Variants in NRG2 observed in about 807,000 individuals in gnomAD.
NRG2 encodes the protein neuregulin 2.
In NRG2, 27 loss-of-function variants were observed where a neutral mutation model predicts 73.9. The observed-to-expected ratio is 0.37, with a 90% CI of 0.27 to 0.50. The LOEUF (loss-of-function observed/expected upper bound fraction) is 0.50. NRG2 is among the 20% of genes least tolerant of loss of function. The probability of loss-of-function intolerance (pLI) is 0.96; values close to 1 mark genes in which losing one functional copy is unlikely to be tolerated. For synonymous variants in NRG2, 532 were observed against 541.0 expected (o/e 0.98, Z 0.23); for missense variants, 1,126 against 1,210.1 (o/e 0.93, Z 1.03).
chr5:139,929,185 T>C (rs762622904), intron 1 of NRG2, among the ~76,000 whole-genome samples: 2 of 152,216 alleles, frequency 1.3e-5, no homozygotes, highest in Non-Finnish European at 2.9e-5. Context: ...TTTGTCATTG[T>C]TCTGCCTCAC....
intron 1 of NRG2, among the ~76,000 whole-genome samples, chr5:139,948,360 A>T (rs1417493797): frequency 6.6e-6 from 1 of 152,146 alleles, no homozygotes; most frequent in Non-Finnish European, 1.5e-5. Context: ...GTGGGAAAGA[A>T]GTTCAGCTCT....
At chr5:139,947,841 G>C (rs533091184) in intron 1 of NRG2, among the ~76,000 whole-genome samples, 3 of 152,282 alleles carry the variant, frequency 2.0e-5, no homozygotes, top group African/African-American at 7.2e-5. Flanking sequence ...TTGGCCATTT[G>C]TATAGCTCCT....
At chr5:139,943,509 A>C (rs1268228067) in intron 1 of NRG2, among the ~76,000 whole-genome samples, 2 of 151,926 alleles carry the variant, frequency 1.3e-5, no homozygotes, top group Non-Finnish European at 2.9e-5. Flanking sequence ...AAATTTTCTA[A>C]TTTTTCTGAC....
chr5:139,876,551 C>T (rs1005771977), intron 3 of NRG2, among the ~76,000 whole-genome samples: 14 of 151,980 alleles, frequency 9.2e-5, no homozygotes, highest in Middle Eastern at 6.8e-3. Context: ...TTTGATGAAC[C>T]GTTAGTGTCT....
At chr5:139,877,195 AC>A (rs1270296075) in intron 3 of NRG2, among the ~76,000 whole-genome samples, 8 of 152,182 alleles carry the variant, frequency 5.3e-5, no homozygotes, top group Non-Finnish European at 1.5e-5. Context: ...TTGTGTTAGC[AC>A]CGCAAACTTC....
intron 1 of NRG2, among the ~76,000 whole-genome samples, chr5:139,934,403 A>G (rs1752694575): frequency 6.6e-6 from 1 of 152,202 alleles, no homozygotes; most frequent in Non-Finnish European, 1.5e-5. Flanking sequence ...TTTTTATACT[A>G]TACATAAAAT....
At chr5:139,980,247 C>T (rs1315354617) in intron 1 of NRG2, among the ~76,000 whole-genome samples, 1 of 152,018 alleles carries the variant, frequency 6.6e-6, no homozygotes, top group Non-Finnish European at 1.5e-5. Flanking sequence ...TCTCTCCTGA[C>T]TCTTGAAAAC....
chr5:139,864,988 G>A (rs770986280), intron 5 of NRG2: 23 of 832,584 alleles, frequency 2.8e-5, no homozygotes, highest in South Asian at 5.5e-5. Context: ...GGGTGTTTCC[G>A]TCTCCTCTAA....
At chr5:139,948,888 T>C (rs1561701600) in intron 1 of NRG2, among the ~76,000 whole-genome samples, 1 of 151,994 alleles carries the variant, frequency 6.6e-6, no homozygotes, top group African/African-American at 2.4e-5. Context: ...AGATTGGACA[T>C]GAGGGTAAGA....
chr5:140,021,289 G>C (rs78504789), intron 1 of NRG2, among the ~76,000 whole-genome samples: 2,274 of 152,294 alleles, frequency 0.015, 51 homozygotes, highest in African/African-American at 0.052. Flanking sequence ...TGACATCTCT[G>C]TCTCTCTCTG....
At chr5:139,990,068 G>A (rs776557412) in intron 1 of NRG2, among the ~76,000 whole-genome samples, 38 of 151,396 alleles carry the variant, frequency 2.5e-4, no homozygotes, top group African/African-American at 4.9e-4. Context: ...GATTACAGGC[G>A]TGAGCCACTG....
intron 1 of NRG2, among the ~76,000 whole-genome samples, chr5:139,970,527 C>CTCTGTGTTCTACTAAGTTCT (rs1225696587): frequency 1.3e-5 from 2 of 152,196 alleles, no homozygotes; most frequent in African/African-American, 4.8e-5. Context: ...TTCTACCCTG[C>CTCTGTGTTCTACTAAGTTCT]ACTCTGACCC....
At chr5:139,989,780 A>C (rs372104661) in intron 1 of NRG2, among the ~76,000 whole-genome samples, 1 of 136,966 alleles carries the variant, frequency 7.3e-6, no homozygotes, top group East Asian at 2.2e-4. Context: ...ATTATTATTT[A>C]TTTTATTTTA....
chr5:139,992,591 T>C (rs1757716203), intron 1 of NRG2, among the ~76,000 whole-genome samples: 1 of 152,242 alleles, frequency 6.6e-6, no homozygotes, highest in East Asian at 1.9e-4. Context: ...CTAGTGTTTT[T>C]ATAGTTGGTT....
In NRG2 at chr5:139,887,109, C is replaced by T. The variant is rs1478054220; in HGVS notation, c.872+231G>A. Among the ~76,000 whole-genome samples, 1 of 152,226 alleles carries T rather than the reference C, an allele frequency of 6.6e-6. No individual in the cohort carries two copies. Among genetic ancestry groups the T allele is most frequent in the East Asian group, 1.9e-4 (1 of 5,202 alleles). ...TTCAACTATCCAGAGAAGTTAAAGG[C>T]TTAATTCTTGTCTGTGGTCTGCAAG... is the stretch of plus-strand genomic sequence containing the variant. On this transcript the variant is annotated intron_variant, in intron 2 of 9. Coordinates refer to ENST00000361474, the MANE Select transcript of NRG2 (RefSeq NM_004883.3). This position sits in a 1 kb window ranked among gnomAD's most constrained non-coding sequence, Gnocchi z 4.5.
chr5:139,962,258 G>C (rs1433230798), intron 1 of NRG2, among the ~76,000 whole-genome samples: 2 of 152,198 alleles, frequency 1.3e-5, no homozygotes, highest in Non-Finnish European at 2.9e-5. Flanking sequence ...GTGCCAGAAC[G>C]GGGGATAGCT....
Position 139,915,472 on chromosome 5 carries a change from C to T in NRG2, c.701-27961G>A, listed in dbSNP as rs1245097009. ...GGTGGTGGCCAGGGTCCCCCAGGTC[C>T]TGCTTACATTCCACTGGTGCCTGAT... On this transcript the variant is annotated intron_variant, in intron 1 of 9. Coordinates refer to ENST00000361474, the MANE Select transcript of NRG2 (RefSeq NM_004883.3). This position sits in a 1 kb window ranked among gnomAD's most constrained non-coding sequence, Gnocchi z 4.0. Among the ~76,000 whole-genome samples the T allele has an allele frequency of 3.9e-5, 6 of 152,200 alleles. No homozygotes were observed. Among genetic ancestry groups the T allele is most frequent in the African/African-American group, 1.4e-4 (6 of 41,444 alleles).
intron 1 of NRG2, among the ~76,000 whole-genome samples, chr5:139,910,633 G>A (rs1235928658): frequency 3.3e-5 from 5 of 152,184 alleles, no homozygotes; most frequent in Admixed American, 1.3e-4. Context: ...AGCTCCTTAT[G>A]TTCGGAGGCC....
chr5:139,878,576 C>A (rs1389783096), intron 3 of NRG2, among the ~76,000 whole-genome samples: 1 of 152,206 alleles, frequency 6.6e-6, no homozygotes, highest in Non-Finnish European at 1.5e-5. Flanking sequence ...CCTCTGAGTT[C>A]TTAGATTCTG....
Sources: gnomAD v4.1 joint callset for allele counts (sites outside exome capture counted in the v4.1 genomes callset) on GRCh38, gnomAD v4.1.1 for gene constraint, Gnocchi (gnomAD v3.1) non-coding constraint, MANE v1.5 for transcripts, NCBI Gene and HGNC (gene_info 2026-07-23, HGNC 2026-07-21) for gene names.